Variants in LIMCH1 observed in about 807,000 individuals in gnomAD.
LIMCH1 encodes LIM and calponin homology domains-containing protein 1.
LIMCH1 carries 113 observed loss-of-function variants against 176.5 expected under a neutral mutation model. The ratio of observed to expected loss-of-function variants is 0.64; its 90% CI spans 0.55 to 0.75. LIMCH1 has a LOEUF of 0.75. Among genes scored for constraint, LIMCH1 ranks in the 30% least tolerant of loss-of-function variants. The pLI is 0.00. For synonymous variants in LIMCH1, 619 were observed against 645.9 expected (o/e 0.96, Z 0.63); for missense variants, 1,674 against 1,814.9 (o/e 0.92, Z 1.41).
intron 4 of LIMCH1, among the ~76,000 whole-genome samples, chr4:41,609,210 A>C (rs60344670): frequency 6.7e-6 from 1 of 149,270 alleles, no homozygotes; most frequent in Non-Finnish European, 1.5e-5. Context: ...AAGAGCAACC[A>C]TCTCAATTTC....
At chr4:41,639,907 C>T (rs2093749623) in intron 14 of LIMCH1, among the ~76,000 whole-genome samples, 1 of 152,154 alleles carries the variant, frequency 6.6e-6, no homozygotes, top group Non-Finnish European at 1.5e-5. Context: ...TCCTGAGCCT[C>T]AGTTTCAAGT....
chr4:41,470,645 A>G (rs2066814786), intron 1 of LIMCH1, among the ~76,000 whole-genome samples: 1 of 152,170 alleles, frequency 6.6e-6, no homozygotes, highest in Non-Finnish European at 1.5e-5. Flanking sequence ...GATCCAACAG[A>G]CAATTCCCAG....
At chr4:41,467,151 G>GTATATATATATATATA (rs147016551) in intron 1 of LIMCH1, among the ~76,000 whole-genome samples, 4 of 60,794 alleles carry the variant, frequency 6.6e-5, no homozygotes, top group African/African-American at 5.8e-4. Flanking sequence ...ATATGTGTAT[G>GTATATATATATATATA]TATATATACA....
In LIMCH1 at chr4:41,459,108, CT is replaced by C. The variant is rs2064989777; in HGVS notation, c.97-35424del. ...TGTACAAGTTATGATTTCTGAGATA[CT>C]TTTGTATCATTTACTATTTGGAAGA... On this transcript the variant is annotated intron_variant, in intron 1 of 26. Transcript: ENST00000313860. 2.0e-5 allele frequency among the ~76,000 whole-genome samples: 3 copies of C among 152,238 alleles called. No individual in the cohort carries two copies. In the East Asian group the frequency reaches 5.8e-4, roughly 29 times the overall value.
chr4:41,530,572 CA>C (rs1249280124), intron 3 of LIMCH1, among the ~76,000 whole-genome samples: 1 of 151,796 alleles, frequency 6.6e-6, no homozygotes, highest in East Asian at 1.9e-4. Flanking sequence ...TTTGGGAGGC[CA>C]AGGCATGCAG....
At chr4:41,685,486 C>T (rs999209775) in intron 27 of LIMCH1, among the ~76,000 whole-genome samples, 1 of 152,154 alleles carries the variant, frequency 6.6e-6, no homozygotes, top group Non-Finnish European at 1.5e-5. Flanking sequence ...TTTATGACAT[C>T]AGAAATCAGC....
At position 41,682,341 on chromosome 4, in the gene LIMCH1, A is replaced by G; in HGVS notation, c.3726A>G (p.Ile1242Met). The G allele has an allele frequency of 1.2e-6, 2 of 1,610,636 alleles. No homozygotes were observed. The highest frequency in any genetic ancestry group is 1.7e-6 in the Non-Finnish European group (2 of 1,177,190). ...MTEGSGTMNK[I>M]DLGNCQDEKQ... ...ATTGTTTTTCTCCTTAGAATAAGAT[A>G]GACCTGGGAAACTGTCAAGATGAAA... The change falls in exon 26 of 32, where the codon ATA (isoleucine) becomes ATG (methionine). Residue 1242 changes from isoleucine (I) to methionine (M), a missense_variant. Ile to Met is a conservative substitution (Grantham distance 10). This residue lies in a region of LIMCH1 where 1,015 missense variants were observed against 1,102.5 expected (regional missense o/e 0.92). Transcript: ENST00000503057.
chr4:41,582,782 G>T (rs2085736223), intron 1 of LIMCH1, among the ~76,000 whole-genome samples: 1 of 152,124 alleles, frequency 6.6e-6, no homozygotes, highest in South Asian at 2.1e-4. Context: ...TGATGATCAT[G>T]ATGTTGATAT....
chr4:41,472,551 C>T (rs1359975215), intron 1 of LIMCH1, among the ~76,000 whole-genome samples: 2 of 152,070 alleles, frequency 1.3e-5, no homozygotes, highest in Non-Finnish European at 2.9e-5. Flanking sequence ...TCCCAAGTAG[C>T]TGGGACTATA....
rs1226946378 is a variant in LIMCH1 at position 41,400,646 on chromosome 4, G to A, written c.96+39710G>A. Among the ~76,000 whole-genome samples, 5 of 152,098 alleles carry A rather than the reference G, an allele frequency of 3.3e-5. No individual in the cohort carries two copies. In the East Asian group the frequency reaches 5.8e-4, roughly 18 times the overall value. On this transcript the variant is annotated intron_variant, in intron 1 of 26. Coordinates refer to the LIMCH1 transcript ENST00000313860. ...TTATTATGCGGTAATGCCAAGGGCT[G>A]TAGAATAGAATTTAAACATTACTTG...
At chr4:41,468,765 A>C (rs1477983736) in intron 1 of LIMCH1, among the ~76,000 whole-genome samples, 4 of 152,028 alleles carry the variant, frequency 2.6e-5, no homozygotes, top group African/African-American at 9.7e-5. Flanking sequence ...CACCTTTGAG[A>C]GTCTTACTTT....
rs1554040025 is a variant in LIMCH1 at position 41,419,650 on chromosome 4, C to CT, written c.96+58715dup. 5.7e-3 allele frequency among the ~76,000 whole-genome samples: 320 copies of CT among 56,232 alleles called. 25 individuals are homozygous for CT. The highest frequency in any genetic ancestry group is 0.03 in the African/African-American group (289 of 9,520). The allele number at this position is 56,232 out of a possible 152,430, so 36.9% of individuals were successfully genotyped here. A position where few individuals can be genotyped will look rare whatever the true frequency, so the allele number is the denominator to read the frequency against. On this transcript the variant is annotated intron_variant, in intron 1 of 26. Coordinates refer to the LIMCH1 transcript ENST00000313860. ...TCCTTCCTTCCTCCTTCCTTTCTTC[C>CT]TCCTTCCTTCCTTCCTTCCTTCCTT...
chr4:41,656,040 T>C (rs2094455210), intron 18 of LIMCH1, among the ~76,000 whole-genome samples: 1 of 152,164 alleles, frequency 6.6e-6, no homozygotes, highest in Admixed American at 6.5e-5. Context: ...TCGTGGCAAT[T>C]TTCCCTCATT....
At chr4:41,688,227 C>T (rs943626579) in intron 29 of LIMCH1, among the ~76,000 whole-genome samples, 11 of 152,214 alleles carry the variant, frequency 7.2e-5, no homozygotes, top group Non-Finnish European at 4.4e-5. Flanking sequence ...CCAAAGCTGG[C>T]GCCTTTCCCT....
chr4:41,626,383 A>G (rs2092952247), intron 7 of LIMCH1, among the ~76,000 whole-genome samples: 1 of 152,214 alleles, frequency 6.6e-6, no homozygotes, highest in Non-Finnish European at 1.5e-5. Context: ...GAACAGTAAC[A>G]AAAAGCTTCC....
intron 1 of LIMCH1, among the ~76,000 whole-genome samples, chr4:41,367,690 A>C (rs994260221): frequency 6.7e-5 from 10 of 149,800 alleles, no homozygotes; most frequent in African/African-American, 1.2e-4. Flanking sequence ...AATCCAAAAA[A>C]AAAAAAAAAA....
At chr4:41,494,940 C>G in intron 2 of LIMCH1, among the ~76,000 whole-genome samples, 1 of 152,172 alleles carries the variant, frequency 6.6e-6, no homozygotes, top group East Asian at 1.9e-4. Flanking sequence ...CTTTTCTCCC[C>G]TTTTAAATCC....
At chr4:41,455,454 G>T (rs553739592) in intron 1 of LIMCH1, among the ~76,000 whole-genome samples, 2 of 152,236 alleles carry the variant, frequency 1.3e-5, no homozygotes, top group South Asian at 2.1e-4. Flanking sequence ...TGAAGAGGAC[G>T]CTGCTTTCAT....
chr4:41,617,883 C>G (rs1584923967), intron 5 of LIMCH1, among the ~76,000 whole-genome samples: 1 of 152,180 alleles, frequency 6.6e-6, no homozygotes, highest in Non-Finnish European at 1.5e-5. Flanking sequence ...TTATTAAGCA[C>G]TTAGGCTGCC....
Sources: allele counts gnomAD v4.1 joint callset (sites outside exome capture counted in the v4.1 genomes callset), GRCh38; gene constraint gnomAD v4.1.1; regional missense constraint gnomAD v4.1.1; transcripts MANE v1.5; gene names NCBI Gene and HGNC (gene_info 2026-07-23, HGNC 2026-07-21).